The following SGPP1 variants were observed in gnomAD, a reference collection of about 807,000 sequenced individuals.
The protein encoded by SGPP1 is hSPP1.
A neutral mutation model predicts 33.0 loss-of-function variants in SGPP1; 21 were observed. That is an observed-to-expected ratio of 0.64 (90% confidence interval 0.45 to 0.92). The LOEUF (loss-of-function observed/expected upper bound fraction) is 0.92, where lower values mean the gene tolerates loss of function less well. Among genes scored for constraint, SGPP1 ranks in the 40% least tolerant of loss-of-function variants. The pLI, the probability that SGPP1 is intolerant of heterozygous loss-of-function variation, is 0.00. For synonymous variants in SGPP1, 239 were observed against 241.2 expected (o/e 0.99, Z 0.08); for missense variants, 543 against 589.4 (o/e 0.92, Z 0.81).
intron 1 of SGPP1, among the ~76,000 whole-genome samples, chr14:63,719,726 CCT>C (rs113048516): frequency 9.4e-5 from 14 of 148,736 alleles, no homozygotes; most frequent in African/African-American, 3.3e-4. Flanking sequence ...TGCCTCTCTC[CCT>C]CTCTCTCTCT....
chr14:63,693,904 T>G (rs1474946984), intron 2 of SGPP1, among the ~76,000 whole-genome samples: 2 of 152,236 alleles, frequency 1.3e-5, no homozygotes, highest in African/African-American at 4.8e-5. Context: ...AGCCAGGTAT[T>G]TTTTTAAATT....
chr14:63,724,763 C>G (rs1414495602), intron 1 of SGPP1, among the ~76,000 whole-genome samples: 2 of 149,330 alleles, frequency 1.3e-5, no homozygotes, highest in African/African-American at 4.9e-5. Context: ...TTAGTAGAGA[C>G]GGGGTTTCAC....
intron 1 of SGPP1, among the ~76,000 whole-genome samples, chr14:63,719,539 A>C (rs1346316085): frequency 6.6e-6 from 1 of 152,040 alleles, no homozygotes; most frequent in African/African-American, 2.4e-5. Flanking sequence ...CTGTGTCATT[A>C]CACTAGCAAA....
Position 63,686,411 on chromosome 14 carries a change from A to T in SGPP1, c.1020T>A (p.Gly340=). The part of the protein sequence containing the change: ...ACGSHVTYNM[G]LVLDPSLDTL... ...TATCTAGAGAAGGATCTAATACTAGACCCATGTTATAAGTAACATGAGATC... is the reference window on the plus strand; with the variant it reads ...TATCTAGAGAAGGATCTAATACTAGTCCCATGTTATAAGTAACATGAGATC... Residue 340 remains glycine (G), a synonymous_variant, in exon 3 of 3, where the codon GGT becomes GGA. Coordinates refer to ENST00000247225, the MANE Select transcript of SGPP1 (RefSeq NM_030791.4). 6.2e-7 allele frequency: 1 copy of T among 1,614,014 alleles called. No individual in the cohort carries two copies. Among genetic ancestry groups the T allele is most frequent in the Middle Eastern group, 1.6e-4 (1 of 6,062 alleles).
chr14:63,700,897 G>C (rs563060166), intron 1 of SGPP1, among the ~76,000 whole-genome samples: 1 of 152,264 alleles, frequency 6.6e-6, no homozygotes, highest in Admixed American at 6.5e-5. Flanking sequence ...GATGCATCAC[G>C]AGACGGGCAA....
At chr14:63,716,567 C>T (rs1885631341) in intron 1 of SGPP1, among the ~76,000 whole-genome samples, 1 of 152,022 alleles carries the variant, frequency 6.6e-6, no homozygotes, top group Non-Finnish European at 1.5e-5. Flanking sequence ...GTGGCACACA[C>T]CTGCAGTCCT....
chr14:63,692,070 T>C (rs372109700), intron 2 of SGPP1, among the ~76,000 whole-genome samples: 1 of 152,228 alleles, frequency 6.6e-6, no homozygotes, highest in Admixed American at 6.5e-5. Flanking sequence ...AGATGATATA[T>C]AATTTATTGA....
At chr14:63,706,988 G>A (rs933059059) in intron 1 of SGPP1, among the ~76,000 whole-genome samples, 3 of 143,876 alleles carry the variant, frequency 2.1e-5, no homozygotes, top group African/African-American at 7.8e-5. Context: ...GTTGCAATGA[G>A]TGAGATCATG....
chr14:63,721,178 C>T (rs1272673621), intron 1 of SGPP1, among the ~76,000 whole-genome samples: 1 of 152,202 alleles, frequency 6.6e-6, no homozygotes, highest in African/African-American at 2.4e-5. Context: ...CCACAGCACC[C>T]AGCCTAATTT....
At chr14:63,719,304 C>A (rs1302319586) in intron 1 of SGPP1, among the ~76,000 whole-genome samples, 2 of 150,990 alleles carry the variant, frequency 1.3e-5, no homozygotes, top group African/African-American at 2.4e-5. Flanking sequence ...CACGCCTGGC[C>A]ACATAAAAAT....
rs1885826202 is a variant in SGPP1 at position 63,723,922 on chromosome 14, G to A, written c.684+3339C>T. 2.0e-5 allele frequency among the ~76,000 whole-genome samples: 3 copies of A among 151,854 alleles called. No individual in the cohort carries two copies. In the South Asian group the frequency reaches 6.2e-4, roughly 32 times the overall value. On this transcript the variant is annotated intron_variant, in intron 1 of 2. Transcript: ENST00000247225. ...AGATAGGGTCTTGCCCTGTCATCTAGGCTGAAGTGCAGTGGTGCAATCACA... is the reference window on the plus strand; with the variant it reads ...AGATAGGGTCTTGCCCTGTCATCTAAGCTGAAGTGCAGTGGTGCAATCACA...
chr14:63,702,984 G>A lies in SGPP1; in HGVS notation c.685-4326C>T, dbSNP rs902118211. On this transcript the variant is annotated intron_variant, in intron 1 of 2. Coordinates refer to ENST00000247225, the MANE Select transcript of SGPP1 (RefSeq NM_030791.4). ...ACAGGAAAAAAACAGTATATATAGC[G>A]TTGACTACTATCCACAGTTTCAGGC... is the stretch of plus-strand genomic sequence containing the variant. Among the ~76,000 whole-genome samples the A allele has an allele frequency of 3.6e-4, 54 of 152,082 alleles. 1 individual carries two copies. The highest frequency in any genetic ancestry group is 6.6e-4 in the Non-Finnish European group (45 of 67,990).
At chr14:63,715,848 A>G (rs773325188) in intron 1 of SGPP1, among the ~76,000 whole-genome samples, 5 of 152,182 alleles carry the variant, frequency 3.3e-5, no homozygotes, top group African/African-American at 7.2e-5. Context: ...GGAGCAGGCC[A>G]AACAATTCCC....
intron 1 of SGPP1, among the ~76,000 whole-genome samples, chr14:63,708,863 T>C (rs1362804290): frequency 6.6e-6 from 1 of 152,216 alleles, no homozygotes; most frequent in African/African-American, 2.4e-5. Flanking sequence ...TATCAGGTTA[T>C]GGATCTGTGA....
chr14:63,705,488 C>T (rs1386058921), intron 1 of SGPP1, among the ~76,000 whole-genome samples: 1 of 150,466 alleles, frequency 6.6e-6, no homozygotes, highest in Non-Finnish European at 1.5e-5. Flanking sequence ...GGCAACAAGG[C>T]GAAACCCCAT....
chr14:63,695,278 G>T (rs1318093576), intron 2 of SGPP1, among the ~76,000 whole-genome samples: 4 of 151,924 alleles, frequency 2.6e-5, no homozygotes, highest in African/African-American at 9.7e-5. Context: ...GGATGGTCTC[G>T]ATCTTCTGAC....
chr14:63,709,007 A>G (rs1885471780), intron 1 of SGPP1, among the ~76,000 whole-genome samples: 2 of 152,140 alleles, frequency 1.3e-5, no homozygotes, highest in Non-Finnish European at 2.9e-5. Flanking sequence ...TATCACTCAA[A>G]TATATTTTAA....
chr14:63,698,683 A>G (rs777080012), intron 1 of SGPP1, 25 bp from the exon 2 acceptor site: 3 of 1,299,550 alleles, frequency 2.3e-6, no homozygotes, highest in Middle Eastern at 1.9e-4. Context: ...AAGTAAAATT[A>G]GTTAAACAAA....
At chr14:63,709,106 G>A (rs984786116) in intron 1 of SGPP1, among the ~76,000 whole-genome samples, 2 of 152,192 alleles carry the variant, frequency 1.3e-5, no homozygotes, top group African/African-American at 2.4e-5. Context: ...TGGGCGTGGT[G>A]GGTCACACCT....
Sources: allele counts gnomAD v4.1 joint callset (sites outside exome capture counted in the v4.1 genomes callset), GRCh38; gene constraint gnomAD v4.1.1; transcripts MANE v1.5; gene names NCBI Gene and HGNC (gene_info 2026-07-23, HGNC 2026-07-21).